DGKG: variants seen among roughly 807,000 people sequenced by gnomAD.
DGKG encodes DAG kinase gamma.
DGKG carries 78 observed loss-of-function variants against 105.3 expected under a neutral mutation model. That is an observed-to-expected ratio of 0.74 (90% CI 0.62 to 0.89). DGKG has a LOEUF of 0.89. DGKG is among the 40% of genes least tolerant of loss of function. The pLI is 0.00. For missense variants in DGKG, 958 were observed against 1,020.1 expected (o/e 0.94, Z 0.83); for synonymous variants, 346 against 367.1 (o/e 0.94, Z 0.66).
intron 20 of DGKG, among the ~76,000 whole-genome samples, chr3:186,228,725 A>T (rs1010418024): frequency 5.9e-5 from 9 of 152,168 alleles, no homozygotes; most frequent in Non-Finnish European, 1.2e-4. Flanking sequence ...TTCTGTCTCC[A>T]GCGCTCATGC....
rs190526753 is a variant in DGKG at position 186,288,813 on chromosome 3, G to A, written c.441C>T (p.Pro147=). 7.6e-5 allele frequency: 122 copies of A among 1,610,946 alleles called. No individual in the cohort carries two copies. The highest frequency in any genetic ancestry group is 1.9e-4 in the African/African-American group (14 of 74,884). The change falls in exon 6 of 25, where the codon CCC becomes CCT. Residue 147 remains proline, a synonymous_variant. Transcript: ENST00000265022. ...ATTCCGAGCTTGAAGACCGAGGGAC[G>A]GGGGGTTCCAGGGGGGTCGCAGCCA... The part of the protein sequence containing the change: ...DQVAATPLEP[P]VPRSSSSESP...
chr3:186,153,747 T>C (rs73887764), intron 24 of DGKG, among the ~76,000 whole-genome samples: 2,237 of 152,298 alleles, frequency 0.015, 59 homozygotes, highest in African/African-American at 0.051. Context: ...GGGTGTGTAA[T>C]TCAGATAATG....
intron 24 of DGKG, among the ~76,000 whole-genome samples, chr3:186,151,969 C>T (rs571592781): frequency 6.2e-4 from 95 of 152,150 alleles, no homozygotes; most frequent in African/African-American, 2.2e-3. Context: ...ATCCCAGCTA[C>T]GTGGGAGGCT....
rs540786778 is a variant in DGKG, at chr3:186,259,236, C to T, written c.1424+1203G>A. Among the ~76,000 whole-genome samples, 41 of 152,290 alleles carry T rather than the reference C, an allele frequency of 2.7e-4. 1 individual carries two copies. Among genetic ancestry groups the T allele is most frequent in the African/African-American group, 9.9e-4 (41 of 41,558 alleles). ...CCCGGGAAGTAGCCACCTGGCTCGT[C>T]GTCTCAGATGAAAACAATTTAGAAT... On this transcript the variant is annotated intron_variant, in intron 16 of 24. Transcript: ENST00000265022.
chr3:186,289,578 C>T (rs1298442753), intron 5 of DGKG, among the ~76,000 whole-genome samples: 1 of 152,140 alleles, frequency 6.6e-6, no homozygotes, highest in South Asian at 2.1e-4. Flanking sequence ...AAACTGGGCA[C>T]CCCTGTTTTC....
In DGKG at chr3:186,361,362, CT is replaced by C. The variant is rs1727220544; in HGVS notation, c.-249+583del. On this transcript the variant is annotated intron_variant, in intron 1 of 24. Coordinates refer to ENST00000265022, the MANE Select transcript of DGKG (RefSeq NM_001346.3). This position sits in a 1 kb window ranked among gnomAD's most constrained non-coding sequence, Gnocchi z 6.8. Reference sequence around the variant, plus strand: ...GACACAAGCACACACACGGACACATCTTGTGACTCTGAGACTACACAGATCA... The same window carrying C: ...GACACAAGCACACACACGGACACATCTGTGACTCTGAGACTACACAGATCA... Among the ~76,000 whole-genome samples, 1 of 152,076 alleles carries C rather than the reference CT, an allele frequency of 6.6e-6. No individual in the cohort carries two copies. Among genetic ancestry groups the C allele is most frequent in the Admixed American group, 6.5e-5 (1 of 15,276 alleles).
rs774374258 is a variant in DGKG at position 186,160,472 on chromosome 3, T to A, written c.2277+1131A>T. ...GGTGGAAAGCTATTATTTGATATAG[T>A]GTGTTTTCATTTTTTTCTTGGTCTT... On this transcript the variant is annotated intron_variant, in intron 24 of 24. Transcript: ENST00000265022. The A allele has an allele frequency of 1.2e-4, 118 of 985,270 alleles. 1 individual carries two copies. The highest frequency in any genetic ancestry group is 6.2e-5 in the Admixed American group (1 of 16,254). The allele number at this position is 985,270 out of a possible 1,614,324, so 61.0% of individuals were successfully genotyped here.
chr3:186,236,752 C>T lies in DGKG; in HGVS notation c.1826+5752G>A, dbSNP rs115499972. 3.1e-3 allele frequency among the ~76,000 whole-genome samples: 473 copies of T among 152,344 alleles called. 5 individuals carry two copies. Among genetic ancestry groups the T allele is most frequent in the African/African-American group, 0.011 (450 of 41,578 alleles). On this transcript the variant is annotated intron_variant, in intron 20 of 24. Coordinates refer to ENST00000265022, the MANE Select transcript of DGKG (RefSeq NM_001346.3). Reference sequence around the variant, plus strand: ...GTCAAGGGCTTTTGAGAAAGGTGGTCAGCTTCTAGTAGGAATGAAGCACTG... The same window carrying T: ...GTCAAGGGCTTTTGAGAAAGGTGGTTAGCTTCTAGTAGGAATGAAGCACTG...
intron 2 of DGKG, among the ~76,000 whole-genome samples, chr3:186,315,501 T>C (rs1052023052): frequency 2.9e-4 from 44 of 152,154 alleles, no homozygotes; most frequent in African/African-American, 1.0e-3. Flanking sequence ...TCGTAAACCA[T>C]AGTGACCATA....
chr3:186,201,790 A>T (rs1247521714), intron 21 of DGKG, among the ~76,000 whole-genome samples: 3 of 152,212 alleles, frequency 2.0e-5, no homozygotes, highest in Non-Finnish European at 4.4e-5. Context: ...TCAACAAACA[A>T]CTATTGAGGA....
intron 5 of DGKG, among the ~76,000 whole-genome samples, chr3:186,289,700 A>G (rs1280611531): frequency 6.6e-6 from 1 of 152,124 alleles, no homozygotes; most frequent in East Asian, 1.9e-4. Context: ...CTCACAGAAA[A>G]CAACTAGCCA....
chr3:186,233,525 G>C (rs1249959429), intron 20 of DGKG, among the ~76,000 whole-genome samples: 1 of 152,182 alleles, frequency 6.6e-6, no homozygotes, highest in Non-Finnish European at 1.5e-5. Flanking sequence ...TGTCGCCCAG[G>C]CTGGACTGCA....
intron 20 of DGKG, among the ~76,000 whole-genome samples, chr3:186,234,548 C>T (rs566514549): frequency 1.3e-5 from 2 of 152,300 alleles, no homozygotes; most frequent in East Asian, 1.9e-4. Flanking sequence ...GAAAACATAG[C>T]GTGCTTTCAA....
rs754146827 is a variant in DGKG, at chr3:186,288,831, C to T, written c.423G>A (p.Ala141=). The change falls in exon 6 of 25, where the codon GCG becomes GCA. Residue 141 remains alanine, a synonymous_variant. Coordinates refer to ENST00000265022, the MANE Select transcript of DGKG (RefSeq NM_001346.3). The part of the protein sequence containing the change: ...KQAPAEDQVA[A]TPLEPPVPRS... ...GAGGGACGGGGGGTTCCAGGGGGGTCGCAGCCACTTGGTCTTCAGCTGGTG... is the reference window on the plus strand; with the variant it reads ...GAGGGACGGGGGGTTCCAGGGGGGTTGCAGCCACTTGGTCTTCAGCTGGTG... 1.6e-5 allele frequency: 25 copies of T among 1,606,586 alleles called. No individual in the cohort carries two copies. Among genetic ancestry groups the T allele is most frequent in the Admixed American group, 6.8e-5 (4 of 58,660 alleles).
chr3:186,337,119 A>G (rs760451424), intron 1 of DGKG, among the ~76,000 whole-genome samples: 13 of 152,222 alleles, frequency 8.5e-5, no homozygotes, highest in Non-Finnish European at 1.6e-4. Context: ...ATGTTAAGTT[A>G]CAATTTATTC....
intron 20 of DGKG, among the ~76,000 whole-genome samples, chr3:186,242,072 C>A (rs1720713606): frequency 6.6e-6 from 1 of 152,186 alleles, no homozygotes; most frequent in African/African-American, 2.4e-5. Flanking sequence ...GCTGCCACCT[C>A]CTCCCATTTG....
intron 20 of DGKG, among the ~76,000 whole-genome samples, chr3:186,238,292 TAAAAAAAA>T (rs5855085): frequency 1.2e-5 from 1 of 81,268 alleles, no homozygotes; most frequent in African/African-American, 5.3e-5. Flanking sequence ...TGACTCTTTC[TAAAAAAAA>T]AAAAAAAAAA....
intron 22 of DGKG, among the ~76,000 whole-genome samples, chr3:186,185,419 A>G (rs1374384989): frequency 2.6e-5 from 4 of 152,216 alleles, no homozygotes; most frequent in Admixed American, 2.6e-4. Context: ...ATCAGCAGAC[A>G]CTTTGGTCTT....
intron 5 of DGKG, among the ~76,000 whole-genome samples, chr3:186,292,279 G>T (rs1258601843): frequency 2.0e-5 from 3 of 152,144 alleles, no homozygotes; most frequent in African/African-American, 7.2e-5. Context: ...AGACCAGGCA[G>T]CAGAAGACCG....
Sources: gnomAD v4.1 joint callset for allele counts (sites outside exome capture counted in the v4.1 genomes callset) on GRCh38, gnomAD v4.1.1 for gene constraint, Gnocchi (gnomAD v3.1) non-coding constraint, MANE v1.5 for transcripts, NCBI Gene and HGNC (gene_info 2026-07-23, HGNC 2026-07-21) for gene names.